Variants in SULT6B1 observed in about 807,000 individuals in gnomAD.
SULT6B1 encodes the protein sulfotransferase family 6B member 1.
A neutral mutation model predicts 37.2 loss-of-function variants in SULT6B1; 44 were observed. That is an observed-to-expected ratio of 1.18 (90% CI 0.93 to 1.52). The LOEUF (loss-of-function observed/expected upper bound fraction) is 1.52. Among genes scored for constraint, SULT6B1 ranks in the 40% most tolerant of loss-of-function variants. The probability of loss-of-function intolerance (pLI) is 0.00; values close to 1 mark genes in which losing one functional copy is unlikely to be tolerated. For missense variants in SULT6B1, 450 were observed against 361.0 expected (o/e 1.25, Z -2.00); for synonymous variants, 140 against 126.0 (o/e 1.11, Z -0.74).
At chr2:37,193,920 G>A (rs881415) in intron 1 of SULT6B1, among the ~76,000 whole-genome samples, 8,345 of 152,176 alleles carry the variant, frequency 0.055, 809 homozygotes, top group East Asian at 0.39. Context: ...CTTGGTAAAA[G>A]TTTCTACTGG....
chr2:37,178,957 G>T (rs1295723344), intron 4 of SULT6B1, among the ~76,000 whole-genome samples: 1 of 147,724 alleles, frequency 6.8e-6, no homozygotes, highest in African/African-American at 2.4e-5. Flanking sequence ...TTAGTTTTTT[G>T]TTTGTTTGTT....
intron 1 of SULT6B1, chr2:37,194,764 T>G (rs1224073813): frequency 6.2e-6 from 1 of 160,530 alleles, no homozygotes; most frequent in African/African-American, 2.4e-5. Context: ...TGGTAAAGCT[T>G]GTTATCATTT....
chr2:37,183,643 C>T, intron 2 of SULT6B1, 129 bp from the exon 3 acceptor site: 1 of 651,984 alleles, frequency 1.5e-6, no homozygotes, highest in East Asian at 2.8e-5. Flanking sequence ...TTCTCCTCCT[C>T]CTCCAATTTT....
chr2:37,184,326 C>T (rs1320229599), intron 2 of SULT6B1, among the ~76,000 whole-genome samples: 1 of 152,012 alleles, frequency 6.6e-6, no homozygotes, highest in Non-Finnish European at 1.5e-5. Flanking sequence ...CTTAAATGTC[C>T]GAGAAATGTT....
upstream of SULT6B1, among the ~76,000 whole-genome samples, chr2:37,190,439 T>C (rs1047774499): frequency 6.6e-6 from 1 of 152,232 alleles, no homozygotes; most frequent in South Asian, 2.1e-4. Context: ...CTAACATTAT[T>C]GAGTACTTGC....
At chr2:37,185,326 A>G (rs1676647690) in intron 2 of SULT6B1, among the ~76,000 whole-genome samples, 1 of 152,208 alleles carries the variant, frequency 6.6e-6, no homozygotes, top group Non-Finnish European at 1.5e-5. Flanking sequence ...CAAAGACTAG[A>G]TACCTTATTT....
rs183501011 is a variant in SULT6B1, at chr2:37,181,216, T to C, written c.403-1632A>G. On this transcript the variant is annotated intron_variant, in intron 3 of 6. Transcript: ENST00000535679. ...CTCCCCCTAGTCCAAATATAGTAGA[T>C]TCTTGCCATTTGAGGGCTTTATATT... 1.8e-3 allele frequency among the ~76,000 whole-genome samples: 269 copies of C among 152,284 alleles called. 1 individual carries two copies. Among genetic ancestry groups the C allele is most frequent in the African/African-American group, 6.1e-3 (253 of 41,562 alleles).
At chr2:37,190,866 C>A (rs1264059465), upstream of SULT6B1, among the ~76,000 whole-genome samples, 1 of 151,980 alleles carries the variant, frequency 6.6e-6, no homozygotes, top group Non-Finnish European at 1.5e-5. Flanking sequence ...AAAATGTTTG[C>A]GACTCCCCCT....
At chr2:37,174,033 C>T (rs57109821) in intron 5 of SULT6B1, among the ~76,000 whole-genome samples, 1 of 152,232 alleles carries the variant, frequency 6.6e-6, no homozygotes, top group African/African-American at 2.4e-5. Flanking sequence ...CTGTTCAGCC[C>T]TGGTTTATTC....
intron 5 of SULT6B1, among the ~76,000 whole-genome samples, chr2:37,173,348 G>A (rs1676346222): frequency 6.6e-6 from 1 of 151,930 alleles, no homozygotes; most frequent in Admixed American, 6.6e-5. Flanking sequence ...TCTTTAAATT[G>A]GTGGGCTCCA....
At chr2:37,171,696 C>A in intron 5 of SULT6B1, 106 bp from the exon 6 acceptor site, 1 of 955,600 alleles carries the variant, frequency 1.0e-6, no homozygotes, top group Non-Finnish European at 1.5e-6. Context: ...CTCCCTAGTT[C>A]ATCTCATCCC....
chr2:37,187,637 T>C (rs907371510), intron 1 of SULT6B1, among the ~76,000 whole-genome samples, 170 bp from the exon 2 acceptor site: 2 of 152,232 alleles, frequency 1.3e-5, no homozygotes, highest in African/African-American at 4.8e-5. Context: ...AATGGTTTGA[T>C]TGAAAACAGC....
Position 37,187,413 on chromosome 2 carries a change from T to C in SULT6B1, c.254A>G (p.Lys85Arg), listed in dbSNP as rs759911077. ...VSELIYAVSKKKYKYPEFPVL... is the reference protein window; with the variant it reads ...VSELIYAVSKRKYKYPEFPVL... ...TGGGAATTCTGGATATTTATACTTT[T>C]TTTTAGAAACAGCATATATTAATTC... Residue 85 changes from lysine (K) to arginine (R), a missense_variant, in exon 2 of 7, where the codon AAA becomes AGA. By Grantham distance (26) the Lys-to-Arg change is conservative. Coordinates refer to ENST00000535679, the MANE Select transcript of SULT6B1 (RefSeq NM_001367551.1). The C allele has an allele frequency of 6.2e-7, 1 of 1,609,262 alleles. No individual in the cohort carries two copies. Among genetic ancestry groups the C allele is most frequent in the East Asian group, 2.2e-5 (1 of 44,722 alleles).
At chr2:37,194,491 A>G (rs544688149) in intron 1 of SULT6B1, 24 of 393,290 alleles carry the variant, frequency 6.1e-5, no homozygotes, top group South Asian at 5.0e-4. Flanking sequence ...GCACGCGGAT[A>G]CGGTACGGGA....
chr2:37,176,511 C>T (rs575316346), intron 4 of SULT6B1, among the ~76,000 whole-genome samples: 31 of 152,136 alleles, frequency 2.0e-4, no homozygotes, highest in African/African-American at 7.0e-4. Flanking sequence ...CCGCCCGCCT[C>T]GGCCACCCAA....
chr2:37,185,859 C>A (rs959498853), intron 2 of SULT6B1, among the ~76,000 whole-genome samples: 2 of 151,934 alleles, frequency 1.3e-5, no homozygotes, highest in African/African-American at 4.8e-5. Flanking sequence ...GGGGCTTTTC[C>A]TTTATTTCCT....
Position 37,179,476 on chromosome 2 carries a change from G to A in SULT6B1, c.511C>T (p.Gln171Ter). Residue 171 changes from glutamine to a stop codon, truncating the protein, a stop_gained, in exon 4 of 7, where the codon CAG becomes TAG. Transcript: ENST00000535679. LOFTEE classifies it high-confidence loss of function. ...GCCATACCTTGTCCTTTCATGAACT[G>A]TCTGAAGAATTCATCCCAAGAGCCA... is the stretch of plus-strand genomic sequence containing the variant. ...SYGSWDEFFR[Q>*]FMKGQVSWGR... 6.2e-7 allele frequency: 1 copy of A among 1,613,874 alleles called. No homozygotes were observed. The highest frequency in any genetic ancestry group is 8.5e-7 in the Non-Finnish European group (1 of 1,179,972).
chr2:37,187,586 T>C (rs1676702751), intron 1 of SULT6B1, 119 bp from the exon 2 acceptor site: 1 of 519,176 alleles, frequency 1.9e-6, no homozygotes, highest in Non-Finnish European at 3.3e-6. Flanking sequence ...ATGTGTATAT[T>C]TAGTTCTTCT....
rs753040701 is a variant in SULT6B1 at position 37,187,423 on chromosome 2, C to T, written c.244G>A (p.Val82Ile). ...LHIVSELIYA[V>I]SKKKYKYPEF... ...GGATATTTATACTTTTTTTTAGAAA[C>T]AGCATATATTAATTCACTGACAATG... Residue 82 changes from valine to isoleucine, a missense_variant, in exon 2 of 7, where the codon GTT becomes ATT. Val to Ile is a conservative substitution (Grantham distance 29). Transcript: ENST00000535679. 1 of 1,607,928 alleles carries T rather than the reference C, an allele frequency of 6.2e-7. No individual in the cohort carries two copies. Among genetic ancestry groups the T allele is most frequent in the Admixed American group, 1.7e-5 (1 of 59,772 alleles).
Sources: allele counts gnomAD v4.1 joint callset (sites outside exome capture counted in the v4.1 genomes callset), GRCh38; gene constraint gnomAD v4.1.1; transcripts MANE v1.5; gene names NCBI Gene and HGNC (gene_info 2026-07-23, HGNC 2026-07-21).